Variants in PZP observed in about 807,000 individuals in gnomAD.
The protein encoded by PZP is PZP alpha-2-macroglobulin like.
PZP carries 150 observed loss-of-function variants against 179.8 expected under a neutral mutation model. The ratio of observed to expected loss-of-function variants is 0.83; its 90% confidence interval spans 0.73 to 0.96. The LOEUF (loss-of-function observed/expected upper bound fraction) is 0.96, where lower values mean the gene tolerates loss of function less well. PZP is among the 40% of genes least tolerant of loss of function. The pLI, the probability that PZP is intolerant of heterozygous loss-of-function variation, is 0.00. For missense variants in PZP, 1,689 were observed against 1,764.0 expected (o/e 0.96, Z 0.76); for synonymous variants, 624 against 652.3 (o/e 0.96, Z 0.66).
intron 10 of PZP, among the ~76,000 whole-genome samples, chr12:9,196,129 C>A (rs1419765848): frequency 6.6e-6 from 1 of 152,096 alleles, no homozygotes; most frequent in Non-Finnish European, 1.5e-5. Flanking sequence ...AAAATATTAT[C>A]TCTGATTCTC....
intron 1 of PZP, among the ~76,000 whole-genome samples, chr12:9,207,674 C>G (rs1020590737): frequency 6.6e-6 from 1 of 152,176 alleles, no homozygotes; most frequent in African/African-American, 2.4e-5. Flanking sequence ...AGACCAAGGA[C>G]TCTGACAGTT....
At chr12:9,206,031 A>C (rs1253012843) in intron 1 of PZP, among the ~76,000 whole-genome samples, 1 of 152,182 alleles carries the variant, frequency 6.6e-6, no homozygotes, top group Non-Finnish European at 1.5e-5. Flanking sequence ...ATGAGTAGTA[A>C]GGTTTTGTTC....
intron 17 of PZP, among the ~76,000 whole-genome samples, chr12:9,166,489 G>A (rs1043391990): frequency 3.3e-5 from 5 of 152,148 alleles, no homozygotes; most frequent in African/African-American, 4.8e-5. Flanking sequence ...GTTTTGTGGC[G>A]AAGGACCAAT....
intron 11 of PZP, among the ~76,000 whole-genome samples, chr12:9,193,818 C>T (rs1464964015): frequency 6.6e-6 from 1 of 152,038 alleles, no homozygotes; most frequent in Non-Finnish European, 1.5e-5. Flanking sequence ...ATATTGTTCA[C>T]GACCCAAATC....
At chr12:9,160,781 G>A (rs6487639) in intron 23 of PZP, among the ~76,000 whole-genome samples, 27,510 of 151,954 alleles carry the variant, frequency 0.18, 2,822 homozygotes, top group East Asian at 0.47. Flanking sequence ...CGGGCGTGGT[G>A]GCGGGCGCCT....
At chr12:9,188,530 G>A (rs928431190) in intron 13 of PZP, among the ~76,000 whole-genome samples, 3 of 152,078 alleles carry the variant, frequency 2.0e-5, no homozygotes, top group East Asian at 3.8e-4. Context: ...CAGAACAATC[G>A]GGCAAGACAA....
chr12:9,154,659 A>G lies in PZP; in HGVS notation c.3731T>C (p.Ile1244Thr). Residue 1244 changes from isoleucine to threonine, a missense_variant, in exon 29 of 36, where the codon ATC becomes ACC. Ile to Thr is a moderately conservative substitution (Grantham distance 89). Transcript: ENST00000261336. ...ACCTTGGGCGTTCTGCTGCTTCATG[A>G]TCCACTTCACAATGTTAGTTGCAGA... ...LTSATNIVKW[I>T]MKQQNAQGGF... The G allele has an allele frequency of 1.9e-6, 3 of 1,614,148 alleles. No homozygotes were observed. The highest frequency in any genetic ancestry group is 1.7e-5 in the Admixed American group (1 of 60,024).
the PZP span, among the ~76,000 whole-genome samples, chr12:9,142,842 C>T: frequency 3.0e-4 from 46 of 152,120 alleles, no homozygotes; most frequent in East Asian, 1.9e-4. Context: ...GGTTCCACAA[C>T]GAAAACAAAG....
At chr12:9,158,740 C>A (rs1304623540) in intron 25 of PZP, among the ~76,000 whole-genome samples, 164 bp from the exon 26 acceptor site, 1 of 125,694 alleles carries the variant, frequency 8.0e-6, no homozygotes, top group Non-Finnish European at 1.7e-5. Flanking sequence ...ATCTCTTTTT[C>A]TTTTTTCTTT....
chr12:9,177,269 G>A lies in PZP; in HGVS notation c.1839+3714C>T, dbSNP rs115502083. On this transcript the variant is annotated intron_variant, in intron 15 of 35. Transcript: ENST00000261336. ...GGATCACATGCTCTGGAGAAAATCA[G>A]TTGTCACATTGTGGGACACCAGCAG... 2.6e-3 allele frequency among the ~76,000 whole-genome samples: 403 copies of A among 152,318 alleles called. 2 individuals carry two copies. Among genetic ancestry groups the A allele is most frequent in the African/African-American group, 9.4e-3 (392 of 41,578 alleles).
rs529381192 is a variant in PZP at position 9,163,357 on chromosome 12, G to A, written c.2736+311C>T. On this transcript the variant is annotated intron_variant, in intron 21 of 35. Transcript: ENST00000261336. ...AGTCCCAGCTACTCGGGAGGCTGAG[G>A]CAGGAGAATGGCATGAACCCGGGAG... is the stretch of plus-strand genomic sequence containing the variant. Among the ~76,000 whole-genome samples, 41 of 151,684 alleles carry A rather than the reference G, an allele frequency of 2.7e-4. 1 individual carries two copies. The South Asian group carries it at 8.6e-3, about 32-fold the overall frequency.
chr12:9,181,892 A>G, intron 14 of PZP, 83 bp downstream of exon 14: 2 of 1,458,160 alleles, frequency 1.4e-6, no homozygotes, highest in Admixed American at 2.2e-5. Context: ...ACTTTTCTGG[A>G]CTTAGTTTTC....
At chr12:9,146,546 T>G (rs1250414180), downstream of PZP, among the ~76,000 whole-genome samples, 4 of 152,220 alleles carry the variant, frequency 2.6e-5, no homozygotes, top group African/African-American at 9.6e-5. Context: ...AAGGAATATC[T>G]TTGCCTAATT....
At chr12:9,152,436 G>A (rs1008225465) in intron 31 of PZP, 126 bp from the exon 32 acceptor site, 5 of 706,620 alleles carry the variant, frequency 7.1e-6, no homozygotes, top group Admixed American at 6.9e-5. Context: ...ACAAAGGTCT[G>A]TGTTCCCTGG....
At chr12:9,203,992 T>A (rs776789370) in intron 1 of PZP, 41 bp from the exon 2 acceptor site, 1 of 1,523,234 alleles carries the variant, frequency 6.6e-7, no homozygotes, top group Admixed American at 1.9e-5. Flanking sequence ...AAACTGATGA[T>A]AGTAAGCGTT....
chr12:9,161,077 G>A lies in PZP; in HGVS notation c.2828C>T (p.Ser943Leu). The change falls in exon 23 of 36, where the codon TCA (serine) becomes TTA (leucine). Residue 943 changes from serine (S) to leucine (L), a missense_variant. By Grantham distance (145) the Ser-to-Leu change is moderately radical. Coordinates refer to ENST00000261336, the MANE Select transcript of PZP (RefSeq NM_002864.3). ...VSEQLSLKLP[S>L]NVVKESARAS... Reference sequence around the variant, plus strand: ...TCTGGCAGATTCTTTGACCACATTTGATGGGAGCTTCAAGGACAACTGCTC... The same window carrying A: ...TCTGGCAGATTCTTTGACCACATTTAATGGGAGCTTCAAGGACAACTGCTC... 1.2e-6 allele frequency: 2 copies of A among 1,604,090 alleles called. No individual in the cohort carries two copies. The highest frequency in any genetic ancestry group is 1.1e-5 in the South Asian group (1 of 90,566).
At chr12:9,197,312 T>C (rs1172900325) in intron 7 of PZP, among the ~76,000 whole-genome samples, 189 bp from the exon 8 acceptor site, 1 of 149,462 alleles carries the variant, frequency 6.7e-6, no homozygotes, top group East Asian at 1.9e-4. Context: ...GAAACTTGAC[T>C]GCACTGTACC....
At chr12:9,149,651 G>T in intron 34 of PZP, 49 bp from the exon 35 acceptor site, 1 of 1,580,332 alleles carries the variant, frequency 6.3e-7, no homozygotes, top group Non-Finnish European at 8.7e-7. Context: ...CTATGAACTA[G>T]GGACCATGCT....
chr12:9,197,710 CAATACATAATATATAT>C (rs1943896104), intron 7 of PZP, among the ~76,000 whole-genome samples: 1 of 78,142 alleles, frequency 1.3e-5, no homozygotes, highest in East Asian at 3.4e-4. Flanking sequence ...ATATATTATA[CAATACATAATATATAT>C]AATTATATAT....
Sources: gnomAD v4.1 joint callset for allele counts (sites outside exome capture counted in the v4.1 genomes callset) on GRCh38, gnomAD v4.1.1 for gene constraint, MANE v1.5 for transcripts, NCBI Gene and HGNC (gene_info 2026-07-23, HGNC 2026-07-21) for gene names.